The following HTR6 variants were observed in gnomAD, a reference collection of about 807,000 sequenced individuals.
HTR6 encodes 5-hydroxytryptamine (serotonin) receptor 6, G protein-coupled.
A neutral mutation model predicts 17.4 loss-of-function variants in HTR6; 15 were observed. The ratio of observed to expected loss-of-function variants is 0.86; its 90% CI spans 0.58 to 1.33. The LOEUF (loss-of-function observed/expected upper bound fraction) is 1.33. HTR6 is among the 40% of genes most tolerant of loss of function. The probability of loss-of-function intolerance (pLI) is 0.00; values close to 1 mark genes in which losing one functional copy is unlikely to be tolerated. For missense variants in HTR6, 578 were observed against 616.0 expected (o/e 0.94, Z 0.65); for synonymous variants, 326 against 295.5 (o/e 1.10, Z -1.06).
Position 19,678,927 on chromosome 1 carries a change from C to T in HTR6, c.882C>T (p.Cys294=), listed in dbSNP as rs771701048. The change falls in exon 3 of 3, where the codon TGC becomes TGT. Residue 294 remains cysteine, a synonymous_variant. Coordinates refer to ENST00000289753, the MANE Select transcript of HTR6 (RefSeq NM_000871.3). ...GCATCCCCTCCCCCCAGGCCGTGTG[C>T]GACTGCATCTCCCCAGGCCTCTTCG... The part of the protein sequence containing the change: ...FFVANIVQAV[C]DCISPGLFDV... 1.2e-5 allele frequency: 20 copies of T among 1,600,350 alleles called. No homozygotes were observed. The highest frequency in any genetic ancestry group is 5.4e-5 in the African/African-American group (4 of 74,670).
intron 1 of HTR6, among the ~76,000 whole-genome samples, chr1:19,672,620 G>A (rs1305308850): frequency 2.0e-5 from 3 of 152,176 alleles, no homozygotes; most frequent in East Asian, 3.9e-4. Flanking sequence ...ATAGCTGGAC[G>A]ATCTTGGGCA....
chr1:19,671,836 G>GT lies in HTR6; in HGVS notation c.714+5371dup, dbSNP rs149373620. On this transcript the variant is annotated intron_variant, in intron 1 of 2. Coordinates refer to ENST00000289753, the MANE Select transcript of HTR6 (RefSeq NM_000871.3). ...GAAATGGGCTTTTAAAAGGCCACTGGTTGGCTTAGTGATTTCCACTAGGTC... is the reference window on the plus strand; with the variant it reads ...GAAATGGGCTTTTAAAAGGCCACTGGTTTGGCTTAGTGATTTCCACTAGGTC... Among the ~76,000 whole-genome samples the GT allele has an allele frequency of 9.0e-3, 1,366 of 152,260 alleles. 24 individuals carry two copies. The highest frequency in any genetic ancestry group is 0.031 in the African/African-American group (1,300 of 41,528).
chr1:19,671,629 C>A (rs1248104261), intron 1 of HTR6, among the ~76,000 whole-genome samples: 1 of 152,128 alleles, frequency 6.6e-6, no homozygotes, highest in East Asian at 1.9e-4. Context: ...GTCTTGGACC[C>A]CTTCCCTTTT....
In HTR6 at chr1:19,679,148, A is replaced by G; in HGVS notation, c.1103A>G (p.Gln368Arg). 1 of 1,606,210 alleles carries G rather than the reference A, an allele frequency of 6.2e-7. No homozygotes were observed. The change falls in exon 3 of 3, where the codon CAG becomes CGG. Residue 368 changes from glutamine to arginine, a missense_variant. Physicochemically the swap from Gln to Arg is conservative, Grantham distance 43. Coordinates refer to ENST00000289753, the MANE Select transcript of HTR6 (RefSeq NM_000871.3). The surrounding 1 kb of genome is among the most constrained non-coding windows in gnomAD (Gnocchi z 4.9). ...CCCCGGCCCGGCCTTAGCCTACAGC[A>G]GGTGCTGCCGCTGCCCCTGCCGCCG... is the stretch of plus-strand genomic sequence containing the variant. The part of the protein sequence containing the change: ...SGPRPGLSLQ[Q>R]VLPLPLPPDS...
In HTR6 at chr1:19,670,440, A is replaced by G. The variant is rs890641562; in HGVS notation, c.714+3973A>G. On this transcript the variant is annotated intron_variant, in intron 1 of 2. Coordinates refer to ENST00000289753, the MANE Select transcript of HTR6 (RefSeq NM_000871.3). ...TTTCCTTCTTCTAGAATTTAGGCCT[A>G]TGAGGGTGGGGAACTTGTTTTTCTG... 4.1e-5 allele frequency among the ~76,000 whole-genome samples: 6 copies of G among 147,198 alleles called. No homozygotes were observed. In the East Asian group the frequency reaches 5.9e-4, roughly 15 times the overall value.
intron 1 of HTR6, among the ~76,000 whole-genome samples, chr1:19,676,056 T>C (rs2095094084): frequency 1.3e-5 from 2 of 152,148 alleles, no homozygotes; most frequent in Non-Finnish European, 2.9e-5. Flanking sequence ...TCTTGGTGTC[T>C]GTGCTGCTTT....
Position 19,678,683 on chromosome 1 carries a change from C to A in HTR6, c.831C>A (p.Phe277Leu). Reference sequence around the variant, plus strand: ...CGCTGGGCATCCTGCTGGGCATGTTCTTTGTGACCTGGTTGCCCTTCTTTG... The same window carrying A: ...CGCTGGGCATCCTGCTGGGCATGTTATTTGTGACCTGGTTGCCCTTCTTTG... The part of the protein sequence containing the change: ...SLTLGILLGM[F>L]FVTWLPFFVA... Residue 277 changes from phenylalanine (F) to leucine (L), a missense_variant, in exon 2 of 3, where the codon TTC becomes TTA. Phe to Leu is a conservative substitution (Grantham distance 22). Coordinates refer to ENST00000289753, the MANE Select transcript of HTR6 (RefSeq NM_000871.3). 1 of 1,613,202 alleles carries A rather than the reference C, an allele frequency of 6.2e-7. No individual in the cohort carries two copies. Among genetic ancestry groups the A allele is most frequent in the Non-Finnish European group, 8.5e-7 (1 of 1,179,340 alleles).
At chr1:19,676,766 T>C (rs929430419) in intron 1 of HTR6, among the ~76,000 whole-genome samples, 20 of 152,152 alleles carry the variant, frequency 1.3e-4, no homozygotes, top group Non-Finnish European at 2.6e-4. Flanking sequence ...CTGGCTCTGC[T>C]CCTGCCTCCT....
rs2095080614 is a variant in HTR6 at position 19,665,757 on chromosome 1, G to T, written c.4G>T (p.Val2Phe). 4.0e-6 allele frequency: 6 copies of T among 1,488,900 alleles called. No individual in the cohort carries two copies. The highest frequency in any genetic ancestry group is 4.9e-5 in the East Asian group (2 of 40,462). The allele number at this position is 1,488,900 out of a possible 1,614,324, so 92.2% of individuals were successfully genotyped here. ...TTGCCGTCCACCCTCGGTCCTCATG[G>T]TCCCAGAGCCGGGCCCAACCGCCAA... M[V>F]PEPGPTANST... The change falls in exon 1 of 3, where the codon GTC becomes TTC. Residue 2 changes from valine (V) to phenylalanine (F), a missense_variant. By Grantham distance (50) the Val-to-Phe change is conservative. Coordinates refer to ENST00000289753, the MANE Select transcript of HTR6 (RefSeq NM_000871.3). This position sits in a 1 kb window ranked among gnomAD's most constrained non-coding sequence, Gnocchi z 4.2.
At chr1:19,677,362 A>C (rs562906275) in intron 1 of HTR6, among the ~76,000 whole-genome samples, 2 of 152,226 alleles carry the variant, frequency 1.3e-5, no homozygotes, top group Admixed American at 1.3e-4. Context: ...TGCAAAGTCA[A>C]ATTCTAACCT....
chr1:19,667,315 A>G (rs1204399242), intron 1 of HTR6, among the ~76,000 whole-genome samples: 2 of 152,186 alleles, frequency 1.3e-5, no homozygotes, highest in Non-Finnish European at 2.9e-5. Flanking sequence ...CCATAAGAAC[A>G]AGTCATAAAA....
At chr1:19,677,046 T>C (rs1478771902) in intron 1 of HTR6, among the ~76,000 whole-genome samples, 2 of 152,128 alleles carry the variant, frequency 1.3e-5, no homozygotes, top group Admixed American at 6.5e-5. Flanking sequence ...CAGAAACACA[T>C]GGTTTAGAGG....
intron 2 of HTR6, 37 bp from the exon 3 acceptor site, chr1:19,678,882 G>A (rs1393773809): frequency 6.4e-7 from 1 of 1,565,870 alleles, no homozygotes; most frequent in South Asian, 1.2e-5. Flanking sequence ...CTGGGTCCCT[G>A]CCCTGGGACC....
intron 1 of HTR6, among the ~76,000 whole-genome samples, chr1:19,669,872 G>A (rs1352979392): frequency 3.9e-5 from 6 of 152,152 alleles, no homozygotes; most frequent in African/African-American, 7.2e-5. Flanking sequence ...CTGACCTTAC[G>A]TGATCTGCTA....
intron 1 of HTR6, among the ~76,000 whole-genome samples, chr1:19,671,421 G>C (rs555950391): frequency 1.3e-5 from 2 of 152,120 alleles, no homozygotes; most frequent in Non-Finnish European, 2.9e-5. Context: ...AATCCACTCG[G>C]CTCCTTAAGT....
intron 1 of HTR6, among the ~76,000 whole-genome samples, chr1:19,675,331 G>A (rs540326629): frequency 2.2e-4 from 33 of 152,252 alleles, no homozygotes; most frequent in African/African-American, 7.5e-4. Flanking sequence ...GTAAGTGCTC[G>A]AGAAATGGGG....
chr1:19,666,473 T>TG lies in HTR6; in HGVS notation c.714+10dup. On this transcript the variant is annotated splice_region_variant and intron_variant, in intron 1 of 2. Transcript: ENST00000289753. This position sits in a 1 kb window ranked among gnomAD's most constrained non-coding sequence, Gnocchi z 4.5. ...AGGCCTCGGAGACGCTGCAGGTACC[T>TG]GGGGTGCGCAGGGAGACCCGGGCTG... is the stretch of plus-strand genomic sequence containing the variant. 6.3e-7 allele frequency: 1 copy of TG among 1,595,204 alleles called. No homozygotes were observed. The highest frequency in any genetic ancestry group is 8.5e-7 in the Non-Finnish European group (1 of 1,171,448).
rs72961761 is a variant in HTR6, at chr1:19,679,942, C to A, written c.*574C>A. On this transcript the variant is annotated 3_prime_UTR_variant, in exon 3 of 3. Transcript: ENST00000289753. This position sits in a 1 kb window ranked among gnomAD's most constrained non-coding sequence, Gnocchi z 4.9. Reference sequence around the variant, plus strand: ...ATGTGCTGCCTTAGATCATCTTTAACCCTCAGAATGATTTGCTGGATGGTT... The same window carrying A: ...ATGTGCTGCCTTAGATCATCTTTAAACCTCAGAATGATTTGCTGGATGGTT... Among the ~76,000 whole-genome samples, 3,688 of 152,272 alleles carry A rather than the reference C, an allele frequency of 0.024. 102 individuals carry two copies. The highest frequency in any genetic ancestry group is 0.071 in the African/African-American group (2,950 of 41,548).
rs1375385142 is a variant in HTR6 at position 19,679,633 on chromosome 1, G to A, written c.*265G>A. The A allele has an allele frequency of 2.2e-5, 10 of 461,064 alleles. No individual in the cohort carries two copies. Among genetic ancestry groups the A allele is most frequent in the Non-Finnish European group, 3.8e-5 (10 of 264,804 alleles). The allele number at this position is 461,064 out of a possible 1,614,324, so 28.6% of individuals were successfully genotyped here. A position where few individuals can be genotyped will look rare whatever the true frequency, so the allele number is the denominator to read the frequency against. The stretch of plus-strand genomic sequence containing the variant: ...TGCAGAGGATGGGCTGGAGGACTCT[G>A]GATGTTGGGGAGAAGGACCTCTTGG... On this transcript the variant is annotated 3_prime_UTR_variant, in exon 3 of 3. Transcript: ENST00000289753. This position sits in a 1 kb window ranked among gnomAD's most constrained non-coding sequence, Gnocchi z 4.9.
Sources: allele counts gnomAD v4.1 joint callset (sites outside exome capture counted in the v4.1 genomes callset), GRCh38; gene constraint gnomAD v4.1.1; non-coding constraint Gnocchi (gnomAD v3.1); transcripts MANE v1.5; gene names NCBI Gene and HGNC (gene_info 2026-07-23, HGNC 2026-07-21).